The following DENND5A variants were observed in gnomAD, a reference collection of about 807,000 sequenced individuals.
The protein encoded by DENND5A is DENN domain-containing protein 5A.
DENND5A carries 64 observed loss-of-function variants against 140.3 expected under a neutral mutation model. The observed-to-expected ratio is 0.46, with a 90% confidence interval of 0.37 to 0.56. The LOEUF is 0.56. DENND5A is among the 20% of genes least tolerant of loss of function. The pLI is 0.00. For missense variants in DENND5A, 1,292 were observed against 1,593.8 expected (o/e 0.81, Z 3.22); for synonymous variants, 605 against 607.7 (o/e 1.00, Z 0.07).
intron 8 of DENND5A, among the ~76,000 whole-genome samples, chr11:9,172,914 C>T (rs1848418371): frequency 6.6e-6 from 1 of 151,984 alleles, no homozygotes; most frequent in Admixed American, 6.6e-5. Context: ...CTTCCGGGTT[C>T]AAGCAATTCT....
chr11:9,140,004 T>C, intron 22 of DENND5A, 150 bp from the exon 23 acceptor site: 1 of 986,274 alleles, frequency 1.0e-6, no homozygotes, highest in South Asian at 1.6e-5. Context: ...AAACAGGGAC[T>C]GGCAAAGAGG....
chr11:9,162,233 CTTTTTT>C (rs1221675349), intron 11 of DENND5A, among the ~76,000 whole-genome samples: 1 of 97,334 alleles, frequency 1.0e-5, no homozygotes, highest in Non-Finnish European at 2.0e-5. Context: ...CCAGTTCCTT[CTTTTTT>C]TTTTTTTTTT....
intron 8 of DENND5A, chr11:9,175,147 T>C (rs1848506229): frequency 6.6e-6 from 1 of 152,130 alleles, no homozygotes; most frequent in South Asian, 2.1e-4. Context: ...AATATAAACA[T>C]ACAAAATGCT....
intron 1 of DENND5A, among the ~76,000 whole-genome samples, chr11:9,207,842 A>G (rs959560049): frequency 6.6e-6 from 1 of 152,172 alleles, no homozygotes; most frequent in Non-Finnish European, 1.5e-5. Flanking sequence ...TTCCTACTCT[A>G]TATCATTAAA....
intron 1 of DENND5A, among the ~76,000 whole-genome samples, chr11:9,253,416 A>G (rs1169339024): frequency 6.6e-6 from 1 of 152,092 alleles, no homozygotes; most frequent in Admixed American, 6.6e-5. Flanking sequence ...AAAATCCACT[A>G]ATTTCAGTAT....
rs112214618 is a variant in DENND5A, at chr11:9,262,804, C to T, written c.109+2157G>A. Among the ~76,000 whole-genome samples the T allele has an allele frequency of 2.5e-3, 375 of 152,042 alleles. 2 individuals are homozygous for T. Among genetic ancestry groups the T allele is most frequent in the African/African-American group, 8.4e-3 (349 of 41,452 alleles). Reference sequence around the variant, plus strand: ...GCTAGAGTGCTGGAGTGCAGTGGCGCGATCTGGGCTCACTGCGAGCTCCGC... The same window carrying T: ...GCTAGAGTGCTGGAGTGCAGTGGCGTGATCTGGGCTCACTGCGAGCTCCGC... On this transcript the variant is annotated intron_variant, in intron 1 of 22. Coordinates refer to ENST00000328194, the MANE Select transcript of DENND5A (RefSeq NM_015213.4).
At chr11:9,237,454 T>A (rs1851051008) in intron 1 of DENND5A, among the ~76,000 whole-genome samples, 1 of 152,120 alleles carries the variant, frequency 6.6e-6, no homozygotes. Context: ...CCTAGCAGAT[T>A]GGAAACGTTT....
At chr11:9,169,254 C>T (rs148156751) in intron 10 of DENND5A, among the ~76,000 whole-genome samples, 1 of 152,148 alleles carries the variant, frequency 6.6e-6, no homozygotes, top group African/African-American at 2.4e-5. Context: ...TGAGACCAGC[C>T]TGGCCAACGT....
intron 8 of DENND5A, among the ~76,000 whole-genome samples, chr11:9,177,311 G>A (rs952502774): frequency 1.1e-4 from 16 of 151,048 alleles, no homozygotes; most frequent in African/African-American, 3.2e-4. Flanking sequence ...GAATATAGCC[G>A]GCATCAACCT....
In DENND5A at chr11:9,166,367, G is replaced by A. The variant is rs151000913; in HGVS notation, c.2152-400C>T. 2.9e-3 allele frequency among the ~76,000 whole-genome samples: 443 copies of A among 152,222 alleles called. 2 individuals carry two copies. Among genetic ancestry groups the A allele is most frequent in the African/African-American group, 0.01 (421 of 41,540 alleles). Reference sequence around the variant, plus strand: ...ACTGAGATTACAGGCATGAGCCACCGTGCCCAGCTTATTTTCTCGCACTTT... The same window carrying A: ...ACTGAGATTACAGGCATGAGCCACCATGCCCAGCTTATTTTCTCGCACTTT... On this transcript the variant is annotated intron_variant, in intron 10 of 22. Coordinates refer to ENST00000328194, the MANE Select transcript of DENND5A (RefSeq NM_015213.4).
rs1478046245 is a variant in DENND5A, at chr11:9,160,811, C to T, written c.2338G>A (p.Gly780Arg). The change falls in exon 12 of 23, where the codon GGG becomes AGG. Residue 780 changes from glycine to arginine, a missense_variant. Gly to Arg is a moderately radical substitution (Grantham distance 125, BLOSUM62 -2). Transcript: ENST00000328194. ...MGREAVELGHGEVNITGVEEN... is the reference protein window; with the variant it reads ...MGREAVELGHREVNITGVEEN... ...TCCACCCCTGTGATGTTCACCTCCC[C>T]ATGCCCTAGCTCCACAGCTTCTCGG... 6.2e-7 allele frequency: 1 copy of T among 1,614,050 alleles called. No homozygotes were observed. The highest frequency in any genetic ancestry group is 1.3e-5 in the African/African-American group (1 of 74,950).
intron 15 of DENND5A, 113 bp from the exon 16 acceptor site, chr11:9,147,264 G>A (rs1847463553): frequency 1.8e-6 from 2 of 1,097,366 alleles, no homozygotes; most frequent in African/African-American, 3.1e-5. Context: ...CAAGCTTCAA[G>A]TTCCTTAGGT....
chr11:9,172,327 A>C (rs923491900), intron 8 of DENND5A: 3 of 152,258 alleles, frequency 2.0e-5, no homozygotes, highest in Non-Finnish European at 4.4e-5. Flanking sequence ...AGTGATAAAA[A>C]GAAAATCTTA....
intron 1 of DENND5A, among the ~76,000 whole-genome samples, chr11:9,253,633 T>C (rs12293711): frequency 6.6e-6 from 1 of 152,050 alleles, no homozygotes; most frequent in Non-Finnish European, 1.5e-5. Flanking sequence ...CCAGGTGCGG[T>C]GGCTTATACC....
At chr11:9,196,704 G>T (rs1393880054) in intron 4 of DENND5A, among the ~76,000 whole-genome samples, 1 of 151,988 alleles carries the variant, frequency 6.6e-6, no homozygotes, top group Non-Finnish European at 1.5e-5. Flanking sequence ...TCTGTCTCCT[G>T]GGTTCAAGTG....
At chr11:9,202,606 G>C (rs1029754067) in intron 4 of DENND5A, among the ~76,000 whole-genome samples, 10 of 152,006 alleles carry the variant, frequency 6.6e-5, no homozygotes, top group Admixed American at 1.3e-4. Context: ...GGCTATCTAA[G>C]AGCCATTTAA....
At position 9,180,693 on chromosome 11, in the gene DENND5A, T is replaced by A. The variant is rs79178856; in HGVS notation, c.1455+74A>T. On this transcript the variant is annotated intron_variant, in intron 6 of 22. Transcript: ENST00000328194. ...TTGTCCAGAACTGGGTGCTTTCTCATCCCATACCTTACTTCACCAGGACAG... is the reference window on the plus strand; with the variant it reads ...TTGTCCAGAACTGGGTGCTTTCTCAACCCATACCTTACTTCACCAGGACAG... 1.2e-4 allele frequency: 173 copies of A among 1,453,780 alleles called. 1 individual carries two copies. Among genetic ancestry groups the A allele is most frequent in the Middle Eastern group, 9.0e-4 (5 of 5,564 alleles). 90.1% of individuals were successfully genotyped at this position (1,453,780 alleles called of 1,614,324 possible).
chr11:9,173,481 C>T (rs1229456128), intron 8 of DENND5A, among the ~76,000 whole-genome samples: 5 of 152,136 alleles, frequency 3.3e-5, no homozygotes, highest in Non-Finnish European at 7.4e-5. Context: ...AATAGCACGT[C>T]GGCTAGGAAG....
intron 22 of DENND5A, among the ~76,000 whole-genome samples, chr11:9,140,952 C>T (rs1847217121): frequency 6.6e-6 from 1 of 152,116 alleles, no homozygotes; most frequent in Non-Finnish European, 1.5e-5. Context: ...CATGGAGAAA[C>T]CCCGTCTCTA....
Sources: allele counts gnomAD v4.1 joint callset (sites outside exome capture counted in the v4.1 genomes callset), GRCh38; gene constraint gnomAD v4.1.1; transcripts MANE v1.5; gene names NCBI Gene and HGNC (gene_info 2026-07-23, HGNC 2026-07-21).